Variants in CUBN observed in about 807,000 individuals in gnomAD.
CUBN encodes the protein cubilin.
Under a neutral mutation model 405.3 loss-of-function variants are expected in CUBN, and 282 were observed. The observed-to-expected ratio is 0.70, with a 90% CI of 0.63 to 0.77. The LOEUF is 0.77. CUBN is among the 30% of genes least tolerant of loss of function. The pLI, the probability that CUBN is intolerant of heterozygous loss-of-function variation, is 0.00. For synonymous variants in CUBN, 1,684 were observed against 1,617.0 expected, an observed-to-expected ratio of 1.04 and a Z score of -0.99; for missense variants, 4,514 against 4,475.2, an observed-to-expected ratio of 1.01 and a Z score of -0.25.
intron 43 of CUBN, among the ~76,000 whole-genome samples, chr10:16,921,848 T>G (rs577638591): frequency 5.9e-5 from 9 of 152,342 alleles, no homozygotes; most frequent in African/African-American, 2.2e-4. Context: ...ATCCCTGTTC[T>G]GACCTCGAGA....
chr10:16,958,997 A>C (rs1843148001), intron 31 of CUBN, among the ~76,000 whole-genome samples: 1 of 152,244 alleles, frequency 6.6e-6, no homozygotes. Context: ...GGGGAGGAAC[A>C]TCATGTCACC....
chr10:17,069,712 T>A (rs1006718964), intron 19 of CUBN, among the ~76,000 whole-genome samples: 6 of 152,130 alleles, frequency 3.9e-5, no homozygotes, highest in African/African-American at 1.4e-4. Context: ...CTCAGCTATT[T>A]TTAAAATTTT....
At chr10:16,983,081 G>A (rs1179573029) in intron 30 of CUBN, among the ~76,000 whole-genome samples, 4 of 151,832 alleles carry the variant, frequency 2.6e-5, no homozygotes, top group Admixed American at 6.6e-5. Flanking sequence ...TTTAATATTC[G>A]GATATAGTAC....
At chr10:17,059,116 CAA>C (rs35107494) in intron 22 of CUBN, among the ~76,000 whole-genome samples, 34 of 145,004 alleles carry the variant, frequency 2.3e-4, no homozygotes, top group Middle Eastern at 3.6e-3. Flanking sequence ...TGACCAACCT[CAA>C]AAAAAAAAAA....
intron 28 of CUBN, among the ~76,000 whole-genome samples, chr10:17,001,877 A>G (rs1833898219): frequency 5.9e-5 from 9 of 152,194 alleles, no homozygotes. Flanking sequence ...TGGAACTAGG[A>G]GGAGAAAAAA....
At chr10:17,100,790 C>A (rs1169936699) in intron 13 of CUBN, among the ~76,000 whole-genome samples, 2 of 152,128 alleles carry the variant, frequency 1.3e-5, no homozygotes, top group Middle Eastern at 3.2e-3. Flanking sequence ...TGTAGACAAG[C>A]AAGGCCTGGA....
chr10:16,869,886 C>G (rs532535462), intron 58 of CUBN, 33 bp from the exon 59 acceptor site: 2 of 1,450,434 alleles, frequency 1.4e-6, no homozygotes, highest in South Asian at 2.3e-5. Context: ...ACTGATGTTT[C>G]CATTTGGACT....
intron 13 of CUBN, among the ~76,000 whole-genome samples, chr10:17,102,727 C>G (rs1342591260): frequency 6.6e-6 from 1 of 151,326 alleles, no homozygotes; most frequent in Non-Finnish European, 1.5e-5. Context: ...CTGCCTCAGC[C>G]TCCCGAGTAG....
chr10:17,113,897 C>A, intron 8 of CUBN, 130 bp downstream of exon 8: 1 of 902,782 alleles, frequency 1.1e-6, no homozygotes, highest in Non-Finnish European at 1.8e-6. Context: ...TCGAGCAGAA[C>A]CAGGACACAA....
chr10:17,125,368 A>G (rs1837155361), intron 4 of CUBN, among the ~76,000 whole-genome samples: 1 of 151,962 alleles, frequency 6.6e-6, no homozygotes, highest in Admixed American at 6.6e-5. Context: ...ACTCAATACC[A>G]TTTTCTGCAA....
intron 17 of CUBN, among the ~76,000 whole-genome samples, chr10:17,079,918 G>C (rs142039486): frequency 6.6e-5 from 10 of 152,280 alleles, no homozygotes; most frequent in African/African-American, 2.2e-4. Context: ...ATGCGGGAGG[G>C]CTGCTTAGGC....
Position 16,949,995 on chromosome 10 carries a change from A to T in CUBN, c.5080+6T>A. On this transcript the variant is annotated splice_donor_region_variant and intron_variant, in intron 34 of 66. Coordinates refer to ENST00000377833, the MANE Select transcript of CUBN (RefSeq NM_001081.4). ...CACAGATGTAGATGAGTGAACGCTG[A>T]GGTACCTCGGAGGGGCGCGTCTTCG... The T allele has an allele frequency of 6.2e-7, 1 of 1,603,580 alleles. No homozygotes were observed. Among genetic ancestry groups the T allele is most frequent in the South Asian group, 1.1e-5 (1 of 90,728 alleles).
At chr10:17,037,820 T>C (rs1409995412) in intron 27 of CUBN, among the ~76,000 whole-genome samples, 1 of 152,362 alleles carries the variant, frequency 6.6e-6, no homozygotes, top group East Asian at 1.9e-4. Context: ...CTTTACACTG[T>C]CTGGTTCCTG....
chr10:16,955,576 G>A (rs892445180), intron 31 of CUBN, among the ~76,000 whole-genome samples: 9 of 151,992 alleles, frequency 5.9e-5, no homozygotes, highest in Admixed American at 5.9e-4. Context: ...TTGGAACTCA[G>A]TGTCTGGATG....
At chr10:17,015,667 T>C (rs1834307808) in intron 28 of CUBN, among the ~76,000 whole-genome samples, 1 of 152,150 alleles carries the variant, frequency 6.6e-6, no homozygotes, top group South Asian at 2.1e-4. Context: ...CTGGGCACCC[T>C]CAGTCCTGTT....
chr10:16,983,797 T>C (rs1833344646), intron 30 of CUBN, among the ~76,000 whole-genome samples: 1 of 152,240 alleles, frequency 6.6e-6, no homozygotes, highest in South Asian at 2.1e-4. Context: ...GTCTGTACTA[T>C]GGCATGAGGT....
rs149629834 is a variant in CUBN, at chr10:17,098,548, C to T, written c.1765+1457G>A. Among the ~76,000 whole-genome samples, 10 of 152,178 alleles carry T rather than the reference C, an allele frequency of 6.6e-5. No homozygotes were observed. In the East Asian group the frequency reaches 1.7e-3, roughly 27 times the overall value. Reference sequence around the variant, plus strand: ...GGATTTCCTTTTCACCACTTTTATTCGGCTTGGTATTGAAGGTCCTAGCCA... The same window carrying T: ...GGATTTCCTTTTCACCACTTTTATTTGGCTTGGTATTGAAGGTCCTAGCCA... On this transcript the variant is annotated intron_variant, in intron 14 of 66. Coordinates refer to ENST00000377833, the MANE Select transcript of CUBN (RefSeq NM_001081.4).
At chr10:17,014,398 C>T (rs953525745) in intron 28 of CUBN, among the ~76,000 whole-genome samples, 8 of 152,126 alleles carry the variant, frequency 5.3e-5, no homozygotes, top group Admixed American at 3.9e-4. Context: ...GAGTATTTGC[C>T]CTCTGGGTCT....
intron 4 of CUBN, among the ~76,000 whole-genome samples, chr10:17,124,293 C>T (rs1446866709): frequency 6.6e-6 from 1 of 152,224 alleles, no homozygotes; most frequent in African/African-American, 2.4e-5. Context: ...CTACCTTTGT[C>T]TACATCTACA....
Sources: allele counts gnomAD v4.1 joint callset (sites outside exome capture counted in the v4.1 genomes callset), GRCh38; gene constraint gnomAD v4.1.1; transcripts MANE v1.5; gene names NCBI Gene and HGNC (gene_info 2026-07-23, HGNC 2026-07-21).